The following ARG2 variants were observed in gnomAD, a reference collection of about 807,000 sequenced individuals.
ARG2 encodes arginase-2, mitochondrial.
ARG2 carries 21 observed loss-of-function variants against 39.4 expected under a neutral mutation model. The ratio of observed to expected loss-of-function variants is 0.53; its 90% CI spans 0.38 to 0.77. The LOEUF is 0.77. ARG2 is among the 30% of genes least tolerant of loss of function. The pLI is 0.00. For synonymous variants in ARG2, 150 were observed against 156.7 expected, an observed-to-expected ratio of 0.96 and a Z score of 0.32; for missense variants, 378 against 426.2, an observed-to-expected ratio of 0.89 and a Z score of 1.00.
intron 2 of ARG2, among the ~76,000 whole-genome samples, chr14:67,640,301 A>G (rs1459671172): frequency 6.6e-6 from 1 of 152,170 alleles, no homozygotes; most frequent in Non-Finnish European, 1.5e-5. Flanking sequence ...TAATGACCAA[A>G]AGATAAATAC....
At chr14:67,646,517 G>C (rs2037100160) in intron 4 of ARG2, 127 bp from the exon 5 acceptor site, 11 of 697,950 alleles carry the variant, frequency 1.6e-5, no homozygotes, top group Non-Finnish European at 2.8e-5. Context: ...AGTGTGTCCT[G>C]TGTTGCTCTA....
rs140191034 is a variant in ARG2, at chr14:67,636,318, A to T, written c.185-5868A>T. Among the ~76,000 whole-genome samples, 10 of 152,340 alleles carry T rather than the reference A, an allele frequency of 6.6e-5. No individual in the cohort carries two copies. The East Asian group carries it at 1.9e-3, about 29-fold the overall frequency. The stretch of plus-strand genomic sequence containing the variant: ...AACCTTACTCATCATGTAATCATAT[A>T]TGAGCTCTAACCAAAGAGTAATTCA... On this transcript the variant is annotated intron_variant, in intron 2 of 7. Transcript: ENST00000261783.
chr14:67,621,549 G>T (rs2036810935), intron 2 of ARG2, among the ~76,000 whole-genome samples: 1 of 151,572 alleles, frequency 6.6e-6, no homozygotes, highest in South Asian at 2.1e-4. Flanking sequence ...TCCACCTTCT[G>T]GGTTCAAGCA....
chr14:67,642,426 G>A, intron 3 of ARG2, 63 bp downstream of exon 3: 1 of 1,554,752 alleles, frequency 6.4e-7, no homozygotes. Context: ...TCATAACTTA[G>A]CTTCTTTATC....
Position 67,620,028 on chromosome 14 carries a change from C to T in ARG2, c.51C>T (p.Ser17=). ...LSRLLQTRVH[S]ILKKSVHSVA... Reference sequence around the variant, plus strand: ...GTCTCCTCCAGACGCGAGTGCATTCCATCCTGAAGAAATCCGTCCACTCCG... The same window carrying T: ...GTCTCCTCCAGACGCGAGTGCATTCTATCCTGAAGAAATCCGTCCACTCCG... Residue 17 remains serine (S), a synonymous_variant, in exon 1 of 8, where the codon TCC becomes TCT. Coordinates refer to ENST00000261783, the MANE Select transcript of ARG2 (RefSeq NM_001172.4). 2 of 1,612,114 alleles carry T rather than the reference C, an allele frequency of 1.2e-6. No homozygotes were observed. The highest frequency in any genetic ancestry group is 2.2e-5 in the South Asian group (2 of 90,730).
intron 2 of ARG2, among the ~76,000 whole-genome samples, chr14:67,638,536 CT>C (rs1413182370): frequency 6.6e-6 from 1 of 152,296 alleles, no homozygotes; most frequent in East Asian, 1.9e-4. Context: ...TTTGACGCCC[CT>C]GATCCTCAGT....
intron 2 of ARG2, among the ~76,000 whole-genome samples, chr14:67,641,673 C>T (rs943730611): frequency 2.0e-5 from 3 of 152,190 alleles, no homozygotes; most frequent in African/African-American, 7.2e-5. Context: ...AGGCAGGTGG[C>T]TCATGCCCAT....
Position 67,619,981 on chromosome 14 carries a change from T to C in ARG2, c.4T>C (p.Ser2Pro), listed in dbSNP as rs2036790016. ...GAGATTCTCAGTGCTGCGGATCATG[T>C]CCCTAAGGGGCAGCCTCTCGCGTCT... M[S>P]LRGSLSRLLQ... The change falls in exon 1 of 8, where the codon TCC becomes CCC. Residue 2 changes from serine (S) to proline (P), a missense_variant. Coordinates refer to ENST00000261783, the MANE Select transcript of ARG2 (RefSeq NM_001172.4). The C allele has an allele frequency of 6.3e-7, 1 of 1,594,624 alleles. No individual in the cohort carries two copies. The highest frequency in any genetic ancestry group is 1.7e-4 in the Middle Eastern group (1 of 5,998).
chr14:67,642,431 T>C (rs2037043706), intron 3 of ARG2, 68 bp downstream of exon 3: 1 of 1,535,006 alleles, frequency 6.5e-7, no homozygotes, highest in African/African-American at 1.4e-5. Context: ...ACTTAGCTTC[T>C]TTATCTGTTT....
intron 2 of ARG2, among the ~76,000 whole-genome samples, chr14:67,621,313 T>C (rs2036808201): frequency 6.6e-6 from 1 of 152,226 alleles, no homozygotes; most frequent in African/African-American, 2.4e-5. Context: ...GCTTATGATT[T>C]ATCAGTCTCG....
chr14:67,642,331 C>G lies in ARG2; in HGVS notation c.330C>G (p.Gly110=), dbSNP rs2037041933. Residue 110 remains glycine, a synonymous_variant, in exon 3 of 8, where the codon GGC becomes GGG. Coordinates refer to ENST00000261783, the MANE Select transcript of ARG2 (RefSeq NM_001172.4). ...AEVVSRAVSD[G]YSCVTLGGDH... is the part of the protein sequence containing the mutation. ...TGGTTAGCAGAGCTGTGTCAGATGG[C>G]TACAGCTGTGTCACACTGGGAGGAG... 1 of 1,614,048 alleles carries G rather than the reference C, an allele frequency of 6.2e-7. No homozygotes were observed. Among genetic ancestry groups the G allele is most frequent in the Non-Finnish European group, 8.5e-7 (1 of 1,179,990 alleles).
chr14:67,625,865 A>T (rs2036861282), intron 2 of ARG2, among the ~76,000 whole-genome samples: 1 of 152,168 alleles, frequency 6.6e-6, no homozygotes, highest in Non-Finnish European at 1.5e-5. Context: ...AAGACAACCA[A>T]ATTTAAAAAT....
chr14:67,622,566 T>G (rs2036821989), intron 2 of ARG2, among the ~76,000 whole-genome samples: 1 of 152,246 alleles, frequency 6.6e-6, no homozygotes, highest in Non-Finnish European at 1.5e-5. Context: ...AGATTTAGTC[T>G]TCTTTTAATG....
chr14:67,632,502 T>C (rs1232828749), intron 2 of ARG2, among the ~76,000 whole-genome samples: 1 of 152,138 alleles, frequency 6.6e-6, no homozygotes, highest in African/African-American at 2.4e-5. Flanking sequence ...ACTTCTCATA[T>C]CTTAACACAG....
rs763533504 is a variant in ARG2, at chr14:67,651,482, C to A, written c.*562C>A. On this transcript the variant is annotated 3_prime_UTR_variant, in exon 8 of 8. Coordinates refer to ENST00000261783, the MANE Select transcript of ARG2 (RefSeq NM_001172.4). ...AAGCAGCAGCTTGTTGGTTGTCACTCTACAAAGAGAAGCAAAGTGGGGAGT... is the reference window on the plus strand; with the variant it reads ...AAGCAGCAGCTTGTTGGTTGTCACTATACAAAGAGAAGCAAAGTGGGGAGT... 2 of 1,613,538 alleles carry A rather than the reference C, an allele frequency of 1.2e-6. No homozygotes were observed. The highest frequency in any genetic ancestry group is 2.2e-5 in the South Asian group (2 of 91,036).
At position 67,642,197 on chromosome 14, in the gene ARG2, A is replaced by G. The variant is rs1398829842; in HGVS notation, c.196A>G (p.Lys66Glu). ...TCATTTGCTTCCAGGCTGCCACCTA[A>G]AAGACTTTGGAGATTTGAGTTTTAC... Reference protein sequence around the residue: ...KRLSSLGCHLKDFGDLSFTPV... With the variant: ...KRLSSLGCHLEDFGDLSFTPV... Residue 66 changes from lysine to glutamate, a missense_variant, in exon 3 of 8, where the codon AAA becomes GAA. Lys to Glu is a moderately conservative substitution (Grantham distance 56). Coordinates refer to ENST00000261783, the MANE Select transcript of ARG2 (RefSeq NM_001172.4). 1 of 1,613,856 alleles carries G rather than the reference A, an allele frequency of 6.2e-7. No individual in the cohort carries two copies. The highest frequency in any genetic ancestry group is 1.7e-5 in the Admixed American group (1 of 60,008).
intron 2 of ARG2, among the ~76,000 whole-genome samples, chr14:67,636,153 C>CCCTCCT (rs1281048148): frequency 6.6e-6 from 1 of 152,102 alleles, no homozygotes; most frequent in Admixed American, 6.5e-5. Context: ...GCTCAGCAGA[C>CCCTCCT]CCTCCTGTGT....
intron 7 of ARG2, chr14:67,648,997 C>G (rs1423086573): frequency 6.6e-6 from 1 of 152,196 alleles, no homozygotes; most frequent in African/African-American, 2.4e-5. Flanking sequence ...AGCGCCACAG[C>G]CTGCCAGAAC....
intron 2 of ARG2, among the ~76,000 whole-genome samples, chr14:67,635,860 T>A (rs980629680): frequency 6.6e-5 from 10 of 151,766 alleles, no homozygotes; most frequent in African/African-American, 1.5e-4. Context: ...TAAAAAAAAT[T>A]TTTTTTAAAT....
Sources: gnomAD v4.1 joint callset for allele counts (sites outside exome capture counted in the v4.1 genomes callset) on GRCh38, gnomAD v4.1.1 for gene constraint, MANE v1.5 for transcripts, NCBI Gene and HGNC (gene_info 2026-07-23, HGNC 2026-07-21) for gene names.